The following CHD9NB variants were observed in gnomAD, a reference collection of about 807,000 sequenced individuals.
CHD9NB encodes the protein CHD9 neighbor protein.
chr16:53,040,843 TAGATGAATGGATGGAA>T, the CHD9NB span, among the ~76,000 whole-genome samples: 3 of 152,170 alleles, frequency 2.0e-5, no homozygotes, highest in South Asian at 2.1e-4. Flanking sequence ...AATAAATGGA[TAGATGAATGGATGGAA>T]AGATGAATGG....
the CHD9NB span, among the ~76,000 whole-genome samples, chr16:53,036,398 G>A: frequency 6.6e-6 from 1 of 152,288 alleles, no homozygotes; most frequent in South Asian, 2.1e-4. Context: ...TCCATCGCTG[G>A]CTCCTTTGCA....
chr16:53,047,474 T>G, the CHD9NB span, among the ~76,000 whole-genome samples: 1 of 152,320 alleles, frequency 6.6e-6, no homozygotes, highest in African/African-American at 2.4e-5. Flanking sequence ...GGTTCTGGTG[T>G]GGGCTCCCTT....
chr16:53,047,493 G>A, the CHD9NB span, among the ~76,000 whole-genome samples: 10 of 152,130 alleles, frequency 6.6e-5, no homozygotes, highest in Non-Finnish European at 1.0e-4. Context: ...TTCCTGGCTT[G>A]TAGATGGCCC....
At chr16:53,039,500 C>G in the CHD9NB span, among the ~76,000 whole-genome samples, 1 of 152,186 alleles carries the variant, frequency 6.6e-6, no homozygotes, top group African/African-American at 2.4e-5. Flanking sequence ...AATCCCAGCA[C>G]TTTGGAAGGC....
At chr16:53,050,835 T>C in the CHD9NB span, among the ~76,000 whole-genome samples, 1 of 152,088 alleles carries the variant, frequency 6.6e-6, no homozygotes, top group African/African-American at 2.4e-5. Context: ...ATCTTGCCCA[T>C]GACTCCAGTG....
the CHD9NB span, among the ~76,000 whole-genome samples, chr16:53,051,624 T>A: frequency 7.7e-5 from 4 of 52,054 alleles, no homozygotes; most frequent in African/African-American, 1.7e-4. Context: ...TGTTGTGGGG[T>A]AGGGGGAGGG....
At chr16:53,036,467 G>A in the CHD9NB span, among the ~76,000 whole-genome samples, 1 of 152,168 alleles carries the variant, frequency 6.6e-6, no homozygotes, top group East Asian at 1.9e-4. Context: ...GTCCTTGATA[G>A]ATGCTTTTCT....
At chr16:53,050,162 C>T in the CHD9NB span, among the ~76,000 whole-genome samples, 1 of 152,020 alleles carries the variant, frequency 6.6e-6, no homozygotes, top group Non-Finnish European at 1.5e-5. Flanking sequence ...GAGATTGCTC[C>T]ACCCTACTCC....
chr16:53,041,247 A>T, the CHD9NB span, among the ~76,000 whole-genome samples: 1 of 152,270 alleles, frequency 6.6e-6, no homozygotes, highest in South Asian at 2.1e-4. Context: ...CAGAGGTTAA[A>T]GTTATATTTC....
At chr16:53,043,981 G>A in the CHD9NB span, 8 of 398,612 alleles carry the variant, frequency 2.0e-5, no homozygotes, top group Admixed American at 4.4e-5. Context: ...GTGAGGGTCC[G>A]ACTCTGGAGA....
the CHD9NB span, among the ~76,000 whole-genome samples, chr16:53,046,939 T>C: frequency 6.6e-6 from 1 of 152,110 alleles, no homozygotes; most frequent in Non-Finnish European, 1.5e-5. Flanking sequence ...ATGAGGACTG[T>C]GATTTGCCAG....
At chr16:53,052,851 C>T in the CHD9NB span, 1 of 161,268 alleles carries the variant, frequency 6.2e-6, no homozygotes, top group Non-Finnish European at 1.3e-5. Flanking sequence ...TTTAGTGACA[C>T]CCACCACCCC....
the CHD9NB span, chr16:53,047,184 C>T: frequency 1.3e-5 from 2 of 152,204 alleles, 1 homozygote; most frequent in Admixed American, 1.3e-4. Flanking sequence ...AACACAAAAA[C>T]TTCTTGGAAA....
chr16:53,042,652 G>A, the CHD9NB span: 1 of 151,896 alleles, frequency 6.6e-6, no homozygotes, highest in Non-Finnish European at 1.5e-5. Context: ...ACCTGCAGTG[G>A]GGCAACTCCA....
At chr16:53,036,401 C>T in the CHD9NB span, among the ~76,000 whole-genome samples, 1 of 152,206 alleles carries the variant, frequency 6.6e-6, no homozygotes, top group Non-Finnish European at 1.5e-5. Flanking sequence ...ATCGCTGGCT[C>T]CTTTGCAGCT....
At chr16:53,038,099 AG>A in the CHD9NB span, among the ~76,000 whole-genome samples, 6 of 152,186 alleles carry the variant, frequency 3.9e-5, no homozygotes, top group Non-Finnish European at 8.8e-5. Flanking sequence ...TCCCAGAACC[AG>A]GAGCTCCAAC....
the CHD9NB span, among the ~76,000 whole-genome samples, chr16:53,046,447 C>T: frequency 0.044 from 6,640 of 151,182 alleles, 497 homozygotes; most frequent in African/African-American, 0.15. Flanking sequence ...GAGGCCGAGG[C>T]GGGTGGATCA....
the CHD9NB span, among the ~76,000 whole-genome samples, chr16:53,039,364 C>CT: frequency 6.6e-6 from 1 of 152,272 alleles, no homozygotes; most frequent in Non-Finnish European, 1.5e-5. Context: ...AGTCCCTTCT[C>CT]AGTGGTTAAG....
chr16:53,036,469 T>C, the CHD9NB span, among the ~76,000 whole-genome samples: 2 of 152,332 alleles, frequency 1.3e-5, no homozygotes, highest in South Asian at 2.1e-4. Context: ...CCTTGATAGA[T>C]GCTTTTCTGC....
Sources: allele counts gnomAD v4.1 joint callset (sites outside exome capture counted in the v4.1 genomes callset), GRCh38; gene constraint gnomAD v4.1.1; transcripts MANE v1.5; gene names NCBI Gene and HGNC (gene_info 2026-07-23, HGNC 2026-07-21).